The following DMD variants were observed in gnomAD, a reference collection of about 807,000 sequenced individuals.
The protein encoded by DMD is mutant dystrophin.
DMD carries 63 observed loss-of-function variants against 330.1 expected under a neutral mutation model. The observed-to-expected ratio is 0.19, with a 90% CI of 0.16 to 0.24. DMD has a LOEUF of 0.24. Among genes scored for constraint, DMD ranks in the 10% least tolerant of loss-of-function variants. The pLI is 1.00. For synonymous variants in DMD, 1,223 were observed against 959.8 expected (o/e 1.27, Z -5.07); for missense variants, 3,344 against 2,684.1 (o/e 1.25, Z -5.43).
chrX:32,611,630 G>A (rs1157221286), intron 12 of DMD, among the ~76,000 whole-genome samples: 1 of 111,452 alleles, frequency 9.0e-6, no homozygotes, highest in Non-Finnish European at 1.9e-5. Context: ...AGTCTGTTCA[G>A]CGTCCCAAGC....
chrX:33,164,509 C>T (rs2048957852), intron 1 of DMD, among the ~76,000 whole-genome samples: 1 of 111,874 alleles, frequency 8.9e-6, no homozygotes, highest in African/African-American at 3.2e-5. Context: ...AACTTCCGGG[C>T]TTACTTTCTA....
chrX:31,909,784 A>G (rs1390863821), intron 47 of DMD, among the ~76,000 whole-genome samples: 1 of 112,561 alleles, frequency 8.9e-6, no homozygotes. Flanking sequence ...AACAAATAAT[A>G]GTTTTCTTTC....
At chrX:32,281,949 A>G (rs2097422380) in intron 43 of DMD, among the ~76,000 whole-genome samples, 1 of 111,873 alleles carries the variant, frequency 8.9e-6, no homozygotes, top group South Asian at 3.7e-4. Context: ...GGGTAAGTCA[A>G]CCCAACATAT....
At chrX:31,224,057 C>A (rs925201339) in intron 63 of DMD, among the ~76,000 whole-genome samples, 1 of 111,527 alleles carries the variant, frequency 9.0e-6, no homozygotes, top group Non-Finnish European at 1.9e-5. Context: ...CTCAAGTCTG[C>A]ACAAGCCTTG....
chrX:32,655,712 C>T (rs779334513), intron 9 of DMD, among the ~76,000 whole-genome samples: 1 of 111,481 alleles, frequency 9.0e-6, no homozygotes, highest in African/African-American at 3.3e-5. Flanking sequence ...TTCTGTCTCA[C>T]TGATCTGTCT....
intron 7 of DMD, among the ~76,000 whole-genome samples, chrX:32,755,505 G>A (rs1250290958): frequency 9.0e-6 from 1 of 111,661 alleles, no homozygotes; most frequent in Non-Finnish European, 1.9e-5. Flanking sequence ...CAGGTAATGT[G>A]TTTACTCCAA....
At chrX:33,113,202 C>T (rs1409351363) in intron 1 of DMD, among the ~76,000 whole-genome samples, 2 of 107,002 alleles carry the variant, frequency 1.9e-5, no homozygotes, top group Non-Finnish European at 3.9e-5. Context: ...AACAGGCGCC[C>T]GCCACCATGC....
At chrX:33,176,947 A>T (rs758721872) in intron 1 of DMD, among the ~76,000 whole-genome samples, 8 of 111,764 alleles carry the variant, frequency 7.2e-5, no homozygotes, top group Non-Finnish European at 1.5e-4. Flanking sequence ...CAAAAAATAA[A>T]ATAAAAAGAG....
intron 1 of DMD, among the ~76,000 whole-genome samples, chrX:33,207,338 G>A (rs1475679733): frequency 9.0e-6 from 1 of 111,006 alleles, no homozygotes; most frequent in Non-Finnish European, 1.9e-5. Context: ...ATAATATGCT[G>A]TAATATATGA....
intron 51 of DMD, among the ~76,000 whole-genome samples, chrX:31,760,749 A>T (rs2089512830): frequency 9.0e-6 from 1 of 111,159 alleles, no homozygotes; most frequent in East Asian, 2.8e-4. Context: ...TATGCCATAA[A>T]CCTATGCATC....
intron 2 of DMD, among the ~76,000 whole-genome samples, chrX:32,931,536 A>G (rs1310408509): frequency 8.9e-6 from 1 of 111,865 alleles, no homozygotes; most frequent in Non-Finnish European, 1.9e-5. Context: ...CAACAGAATA[A>G]AAGTGTTTTT....
intron 20 of DMD, among the ~76,000 whole-genome samples, chrX:32,489,813 GATTATTCCTCTGATTCACAGGAA>G (rs1187242377): frequency 4.5e-5 from 5 of 111,743 alleles, no homozygotes; most frequent in Non-Finnish European, 9.4e-5. Context: ...AATGTATTTG[GATTATTCCTCTGATTCACAGGAA>G]AAGCGGCATT....
intron 43 of DMD, among the ~76,000 whole-genome samples, chrX:32,268,252 A>G (rs2097352012): frequency 9.0e-6 from 1 of 111,622 alleles, no homozygotes; most frequent in Non-Finnish European, 1.9e-5. Context: ...CTACAGCCGG[A>G]AACTGCATGT....
chrX:33,025,234 AG>A (rs1170819781), intron 1 of DMD, among the ~76,000 whole-genome samples: 10 of 112,192 alleles, frequency 8.9e-5, no homozygotes, highest in Non-Finnish European at 1.7e-4. Context: ...AGGTAGGAGG[AG>A]GATAAAGATG....
chrX:32,085,573 T>C (rs2096425871), intron 44 of DMD, among the ~76,000 whole-genome samples: 1 of 106,404 alleles, frequency 9.4e-6, no homozygotes, highest in South Asian at 4.0e-4. Flanking sequence ...GTTTCATATA[T>C]ATATATACAC....
chrX:32,801,370 T>G (rs2148691077), intron 7 of DMD, among the ~76,000 whole-genome samples: 1 of 111,730 alleles, frequency 9.0e-6, no homozygotes, highest in Non-Finnish European at 1.9e-5. Context: ...TTTGATGGGG[T>G]TATTTTCCTG....
At chrX:32,978,177 C>A (rs1313128296) in intron 2 of DMD, among the ~76,000 whole-genome samples, 2 of 111,758 alleles carry the variant, frequency 1.8e-5, no homozygotes, top group Admixed American at 9.5e-5. Context: ...GTTTACTACA[C>A]AGAGAAAAGT....
intron 44 of DMD, among the ~76,000 whole-genome samples, chrX:32,077,584 C>A (rs1046270203): frequency 3.6e-5 from 4 of 111,539 alleles, no homozygotes; most frequent in Admixed American, 9.5e-5. Flanking sequence ...AAGTTACCAT[C>A]CTTGAGTCTA....
rs567410558 is a variant in DMD at position 32,886,562 on chromosome X, G to A, written c.94-36742C>T. On this transcript the variant is annotated intron_variant, in intron 2 of 78. Coordinates refer to ENST00000357033, the MANE Select transcript of DMD (RefSeq NM_004006.3). Reference sequence around the variant, plus strand: ...GCCAGGCGTGGTGGCAGGCGCCTGTGGTCCCAGCTACTCGGGAGGCTGAGG... The same window carrying A: ...GCCAGGCGTGGTGGCAGGCGCCTGTAGTCCCAGCTACTCGGGAGGCTGAGG... 1.1e-4 allele frequency among the ~76,000 whole-genome samples: 12 copies of A among 109,349 alleles called. No individual in the cohort carries two copies. In the East Asian group the frequency reaches 1.7e-3, roughly 16 times the overall value. 95.0% of individuals were successfully genotyped at this position (109,349 alleles called of 115,157 possible). A position where few individuals can be genotyped will look rare whatever the true frequency, so the allele number is the denominator to read the frequency against.
Sources: gnomAD v4.1 joint callset for allele counts (sites outside exome capture counted in the v4.1 genomes callset) on GRCh38, gnomAD v4.1.1 for gene constraint, MANE v1.5 for transcripts, NCBI Gene and HGNC (gene_info 2026-07-23, HGNC 2026-07-21) for gene names.